The following GPC5 variants were observed in gnomAD, a reference collection of about 807,000 sequenced individuals.
GPC5 encodes the protein glypican 5, also known as glypican-5.
GPC5 carries 47 observed loss-of-function variants against 53.9 expected under a neutral mutation model. The observed-to-expected ratio is 0.87, with a 90% CI of 0.69 to 1.11. The LOEUF is 1.11. Among genes scored for constraint, GPC5 ranks in the 50% most tolerant of loss-of-function variants. The pLI is 0.00. For synonymous variants in GPC5, 286 were observed against 263.3 expected, an observed-to-expected ratio of 1.09 and a Z score of -0.84; for missense variants, 748 against 713.1, an observed-to-expected ratio of 1.05 and a Z score of -0.56.
At chr13:92,837,709 G>T (rs142742744) in intron 7 of GPC5, among the ~76,000 whole-genome samples, 2 of 152,220 alleles carry the variant, frequency 1.3e-5, no homozygotes, top group South Asian at 2.1e-4. Context: ...TAAAACTACC[G>T]GTAGGAGGAA....
rs192348383 is a variant in GPC5 at position 92,450,822 on chromosome 13, G to A, written c.1561+305833G>A. On this transcript the variant is annotated intron_variant, in intron 7 of 7. Coordinates refer to ENST00000377067, the MANE Select transcript of GPC5 (RefSeq NM_004466.6). The stretch of plus-strand genomic sequence containing the variant: ...TGTGTCTCCAGGACCAACCTGTAGC[G>A]GTCACCAGACTTCTTAAGTCTTAGT... Among the ~76,000 whole-genome samples the A allele has an allele frequency of 1.3e-3, 191 of 152,222 alleles. 1 individual carries two copies. The highest frequency in any genetic ancestry group is 2.4e-4 in the Non-Finnish European group (16 of 68,014).
At chr13:92,256,728 G>A (rs1211621842) in intron 7 of GPC5, among the ~76,000 whole-genome samples, 1 of 151,364 alleles carries the variant, frequency 6.6e-6, no homozygotes, top group Non-Finnish European at 1.5e-5. Context: ...TATTTCCTGA[G>A]GTGAATTGAT....
chr13:92,509,842 G>T (rs1348402128), intron 7 of GPC5: 1 of 152,148 alleles, frequency 6.6e-6, no homozygotes, highest in African/African-American at 2.4e-5. Flanking sequence ...AGAAATGAGT[G>T]TAGAAATGAA....
intron 7 of GPC5, among the ~76,000 whole-genome samples, chr13:92,635,448 G>A (rs1209436010): frequency 6.6e-6 from 1 of 152,162 alleles, no homozygotes; most frequent in African/African-American, 2.4e-5. Context: ...GAAGTGGAAG[G>A]TAGAAGTTGA....
intron 7 of GPC5, among the ~76,000 whole-genome samples, chr13:92,640,872 CCAAA>C (rs1472207397): frequency 2.0e-5 from 3 of 151,478 alleles, no homozygotes; most frequent in Non-Finnish European, 4.4e-5. Flanking sequence ...ATTATAATAA[CCAAA>C]CAAACAGATA....
At chr13:91,809,878 A>G (rs2038282889) in intron 5 of GPC5, among the ~76,000 whole-genome samples, 2 of 152,118 alleles carry the variant, frequency 1.3e-5, no homozygotes, top group Admixed American at 1.3e-4. Context: ...AGAAGTGGAC[A>G]TTAGGAAATA....
chr13:91,412,824 C>A (rs1877908857), intron 1 of GPC5, among the ~76,000 whole-genome samples: 1 of 152,164 alleles, frequency 6.6e-6, no homozygotes, highest in African/African-American at 2.4e-5. Flanking sequence ...TGCTGAATAC[C>A]CTTTGCCCAA....
intron 5 of GPC5, among the ~76,000 whole-genome samples, chr13:91,852,617 C>A (rs1011602247): frequency 1.3e-5 from 2 of 152,022 alleles, no homozygotes; most frequent in Non-Finnish European, 2.9e-5. Flanking sequence ...TTGAGACCTG[C>A]AAAAGCTGCA....
At chr13:92,577,328 T>C (rs1883217848) in intron 7 of GPC5, among the ~76,000 whole-genome samples, 1 of 152,114 alleles carries the variant, frequency 6.6e-6, no homozygotes, top group Non-Finnish European at 1.5e-5. Flanking sequence ...AAGCTATTAA[T>C]AGCTACCATT....
chr13:92,413,473 T>C (rs1876137456), intron 7 of GPC5, among the ~76,000 whole-genome samples: 1 of 152,226 alleles, frequency 6.6e-6, no homozygotes, highest in Non-Finnish European at 1.5e-5. Flanking sequence ...GTACACTTGA[T>C]AAAAATCAAA....
intron 4 of GPC5, among the ~76,000 whole-genome samples, chr13:91,741,972 TTG>T (rs1261135249): frequency 6.6e-6 from 1 of 152,140 alleles, no homozygotes; most frequent in Non-Finnish European, 1.5e-5. Context: ...TAAACTTAAC[TTG>T]TGAAAATAAA....
At chr13:91,589,997 T>C (rs2032738381) in intron 2 of GPC5, among the ~76,000 whole-genome samples, 1 of 152,034 alleles carries the variant, frequency 6.6e-6, no homozygotes, top group Admixed American at 6.6e-5. Flanking sequence ...AAAACTTTCT[T>C]TAAAAAGTAT....
chr13:92,551,093 T>C (rs1566289327), intron 7 of GPC5, among the ~76,000 whole-genome samples: 1 of 151,884 alleles, frequency 6.6e-6, no homozygotes, highest in African/African-American at 2.4e-5. Context: ...GTATTAGTTA[T>C]ATTCATAGTT....
At chr13:92,327,486 A>AAT (rs1425878321) in intron 7 of GPC5, among the ~76,000 whole-genome samples, 1 of 152,172 alleles carries the variant, frequency 6.6e-6, no homozygotes, top group Admixed American at 6.6e-5. Flanking sequence ...AACCTATCAA[A>AAT]ATAATGGCTG....
At chr13:92,715,733 C>G (rs1289505447) in intron 7 of GPC5, among the ~76,000 whole-genome samples, 2 of 152,118 alleles carry the variant, frequency 1.3e-5, no homozygotes, top group East Asian at 3.9e-4. Flanking sequence ...TACAGATATC[C>G]TGAAACAGAG....
chr13:92,298,270 C>T (rs1405574244), intron 7 of GPC5, among the ~76,000 whole-genome samples: 1 of 152,216 alleles, frequency 6.6e-6, no homozygotes, highest in Non-Finnish European at 1.5e-5. Context: ...AAAGTAAATA[C>T]GGCTTTCCTC....
intron 4 of GPC5, among the ~76,000 whole-genome samples, chr13:91,728,876 G>T (rs145456697): frequency 4.1e-4 from 63 of 152,170 alleles, no homozygotes; most frequent in African/African-American, 1.5e-3. Flanking sequence ...AACTTTTTGT[G>T]ATAATGGAAG....
chr13:92,569,178 T>C (rs995328691), intron 7 of GPC5, among the ~76,000 whole-genome samples: 10 of 148,160 alleles, frequency 6.7e-5, no homozygotes, highest in South Asian at 2.2e-4. Context: ...ACATGCGGTG[T>C]TTGGTTTTTT....
intron 7 of GPC5, among the ~76,000 whole-genome samples, chr13:92,174,561 A>G (rs1188411830): frequency 6.6e-6 from 1 of 151,638 alleles, no homozygotes; most frequent in Non-Finnish European, 1.5e-5. Flanking sequence ...CAAAAACAAC[A>G]ACAACAACAA....
Sources: gnomAD v4.1 joint callset for allele counts (sites outside exome capture counted in the v4.1 genomes callset) on GRCh38, gnomAD v4.1.1 for gene constraint, MANE v1.5 for transcripts, NCBI Gene and HGNC (gene_info 2026-07-23, HGNC 2026-07-21) for gene names.